The following KCNB2 variants were observed in gnomAD, a reference collection of about 807,000 sequenced individuals.
KCNB2 encodes delayed rectifier potassium channel protein.
Under a neutral mutation model 61.5 loss-of-function variants are expected in KCNB2, and 15 were observed. That is an observed-to-expected ratio of 0.24 (90% confidence interval 0.16 to 0.38). The LOEUF is 0.38. Ranked by LOEUF, KCNB2 falls within the 10% of genes least tolerant of loss-of-function variation. The pLI is 1.00. For missense variants in KCNB2, 828 were observed against 1,125.2 expected (o/e 0.74, Z 3.78); for synonymous variants, 457 against 446.0 (o/e 1.02, Z -0.31).
chr8:72,676,533 A>G (rs1392005181), intron 2 of KCNB2, among the ~76,000 whole-genome samples: 3 of 150,588 alleles, frequency 2.0e-5, no homozygotes, highest in Non-Finnish European at 3.0e-5. Flanking sequence ...ACTTTTTCAC[A>G]TACTAGATCA....
chr8:72,622,352 T>C (rs1805726374), intron 2 of KCNB2, among the ~76,000 whole-genome samples: 1 of 152,110 alleles, frequency 6.6e-6, no homozygotes, highest in Admixed American at 6.6e-5. Flanking sequence ...AATCCAAGAG[T>C]ATTGAGACTA....
intron 2 of KCNB2, among the ~76,000 whole-genome samples, chr8:72,790,163 G>A (rs368211603): frequency 6.6e-6 from 1 of 152,186 alleles, no homozygotes; most frequent in Non-Finnish European, 1.5e-5. Context: ...GGAAGCCCAG[G>A]GAAAGAAGTC....
intron 2 of KCNB2, among the ~76,000 whole-genome samples, chr8:72,825,008 A>T (rs983457447): frequency 6.6e-6 from 1 of 152,140 alleles, no homozygotes; most frequent in Non-Finnish European, 1.5e-5. Context: ...GAATTTTTTT[A>T]TCTTCCCAAA....
intron 2 of KCNB2, among the ~76,000 whole-genome samples, chr8:72,749,680 T>TA (rs1808151005): frequency 6.7e-6 from 1 of 149,232 alleles, no homozygotes; most frequent in African/African-American, 2.4e-5. Context: ...AAGATTTTTT[T>TA]ACTATGTAAT....
intron 2 of KCNB2, among the ~76,000 whole-genome samples, chr8:72,759,337 A>C (rs1366956760): frequency 6.6e-6 from 1 of 152,246 alleles, no homozygotes; most frequent in Non-Finnish European, 1.5e-5. Flanking sequence ...AAATTAAGAC[A>C]TAAAATATCT....
chr8:72,755,970 C>A (rs2128996057), intron 2 of KCNB2, among the ~76,000 whole-genome samples: 1 of 152,300 alleles, frequency 6.6e-6, no homozygotes, highest in African/African-American at 2.4e-5. Context: ...GGAAAGCTGG[C>A]TCCTGTAGCC....
At chr8:72,721,705 G>A (rs886687149) in intron 2 of KCNB2, among the ~76,000 whole-genome samples, 1 of 152,156 alleles carries the variant, frequency 6.6e-6, no homozygotes, top group Non-Finnish European at 1.5e-5. Flanking sequence ...AACAAATGCA[G>A]ACATTGAGTC....
At chr8:72,610,560 A>G (rs1805521122) in intron 2 of KCNB2, among the ~76,000 whole-genome samples, 1 of 152,174 alleles carries the variant, frequency 6.6e-6, no homozygotes, top group African/African-American at 2.4e-5. Context: ...AACACTCATA[A>G]TAATAGCAAC....
chr8:72,555,283 A>G (rs753431224), intron 1 of KCNB2, among the ~76,000 whole-genome samples: 3 of 151,512 alleles, frequency 2.0e-5, no homozygotes, highest in African/African-American at 7.3e-5. Flanking sequence ...TATAATAATC[A>G]CTTAATATTT....
At chr8:72,899,281 A>C (rs1048617156) in intron 2 of KCNB2, among the ~76,000 whole-genome samples, 1 of 152,206 alleles carries the variant, frequency 6.6e-6, no homozygotes, top group African/African-American at 2.4e-5. Context: ...CCCACAGCCA[A>C]CATCACACTG....
chr8:72,600,548 C>T (rs1216318190), intron 2 of KCNB2, among the ~76,000 whole-genome samples: 1 of 151,252 alleles, frequency 6.6e-6, no homozygotes, highest in African/African-American at 2.4e-5. Context: ...ACATATGTAA[C>T]AAACCTGTAC....
intron 2 of KCNB2, among the ~76,000 whole-genome samples, chr8:72,924,170 G>A (rs1806589284): frequency 6.6e-6 from 1 of 152,284 alleles, no homozygotes; most frequent in East Asian, 1.9e-4. Context: ...AGCACAGGCT[G>A]GGAGAGGAGG....
At chr8:72,823,761 C>T (rs1057199922) in intron 2 of KCNB2, among the ~76,000 whole-genome samples, 2 of 152,128 alleles carry the variant, frequency 1.3e-5, no homozygotes, top group Non-Finnish European at 2.9e-5. Flanking sequence ...AGCCGAGGCT[C>T]GAAGAGGTTA....
chr8:72,759,899 G>T (rs976147236), intron 2 of KCNB2, among the ~76,000 whole-genome samples: 5 of 152,226 alleles, frequency 3.3e-5, no homozygotes, highest in Admixed American at 3.3e-4. Flanking sequence ...TCAAGGTCGG[G>T]ACAAAGCCAC....
At chr8:72,577,849 C>G (rs1217511925) in intron 2 of KCNB2, among the ~76,000 whole-genome samples, 1 of 152,184 alleles carries the variant, frequency 6.6e-6, no homozygotes, top group Non-Finnish European at 1.5e-5. Flanking sequence ...CCCTAGCCTT[C>G]AAGTCATCGT....
At chr8:72,596,947 T>C (rs530452767) in intron 2 of KCNB2, among the ~76,000 whole-genome samples, 1 of 149,772 alleles carries the variant, frequency 6.7e-6, no homozygotes, top group East Asian at 2.1e-4. Context: ...GGCCCAAACA[T>C]TGCAGAAGCA....
chr8:72,913,692 G>T (rs1164601794), intron 2 of KCNB2, among the ~76,000 whole-genome samples: 1 of 152,174 alleles, frequency 6.6e-6, no homozygotes, highest in Non-Finnish European at 1.5e-5. Flanking sequence ...AATGTCTCTG[G>T]TTGCCCTTGA....
intron 2 of KCNB2, among the ~76,000 whole-genome samples, chr8:72,628,400 G>GTGTGTGTGTGT (rs869118528): frequency 1.9e-4 from 9 of 47,400 alleles, no homozygotes; most frequent in African/African-American, 5.7e-4. Flanking sequence ...CCTGTTAGGG[G>GTGTGTGTGTGT]GTGTGTGTGT....
chr8:72,844,588 G>A (rs1809954068), intron 2 of KCNB2, among the ~76,000 whole-genome samples: 1 of 152,112 alleles, frequency 6.6e-6, no homozygotes, highest in Non-Finnish European at 1.5e-5. Flanking sequence ...TCAAATGTAG[G>A]TTTGGTCTTT....
Sources: gnomAD v4.1 joint callset for allele counts (sites outside exome capture counted in the v4.1 genomes callset) on GRCh38, gnomAD v4.1.1 for gene constraint, MANE v1.5 for transcripts, NCBI Gene and HGNC (gene_info 2026-07-23, HGNC 2026-07-21) for gene names.